Variants in NAALADL2 observed in about 807,000 individuals in gnomAD.
NAALADL2 encodes the protein N-acetylated alpha-linked acidic dipeptidase like 2.
In NAALADL2, 76 loss-of-function variants were observed where a neutral mutation model predicts 87.2. The ratio of observed to expected loss-of-function variants is 0.87; its 90% confidence interval spans 0.72 to 1.05. The LOEUF is 1.05. Ranked by LOEUF, NAALADL2 falls within the 50% of genes least tolerant of loss-of-function variation. The probability of loss-of-function intolerance (pLI) is 0.00; values close to 1 mark genes in which losing one functional copy is unlikely to be tolerated. For synonymous variants in NAALADL2, 354 were observed against 331.0 expected, an observed-to-expected ratio of 1.07 and a Z score of -0.75; for missense variants, 1,089 against 945.8, an observed-to-expected ratio of 1.15 and a Z score of -1.99.
intron 3 of NAALADL2, among the ~76,000 whole-genome samples, chr3:174,811,869 G>T (rs1174602975): frequency 6.6e-6 from 1 of 152,042 alleles, no homozygotes; most frequent in East Asian, 1.9e-4. Context: ...CATGGGGGGT[G>T]GATCCTTTAT....
intron 10 of NAALADL2, among the ~76,000 whole-genome samples, chr3:175,617,594 C>G (rs1428974558): frequency 6.6e-6 from 1 of 152,184 alleles, no homozygotes; most frequent in African/African-American, 2.4e-5. Flanking sequence ...CTTTTTCTTG[C>G]ATCTATTTTC....
rs184556580 is a variant in NAALADL2 at position 174,749,912 on chromosome 3, C to G, written c.-9+12166C>G. Among the ~76,000 whole-genome samples the G allele has an allele frequency of 3.8e-3, 584 of 152,278 alleles. 4 individuals carry two copies. The highest frequency in any genetic ancestry group is 0.013 in the African/African-American group (544 of 41,562). Reference sequence around the variant, plus strand: ...TGTTAATGTCTCTTTCTCTAAACCCCTTTTCCAGAAATTATGAAGTGCTAT... The same window carrying G: ...TGTTAATGTCTCTTTCTCTAAACCCGTTTTCCAGAAATTATGAAGTGCTAT... On this transcript the variant is annotated intron_variant, in intron 3 of 3. Coordinates refer to the NAALADL2 transcript ENST00000434257.
intron 1 of NAALADL2, among the ~76,000 whole-genome samples, chr3:174,455,656 T>G (rs1046680153): frequency 6.6e-6 from 1 of 152,148 alleles, no homozygotes; most frequent in African/African-American, 2.4e-5. Flanking sequence ...AAAAGGCTTT[T>G]GATAAAATTC....
chr3:175,564,600 T>C (rs1385933457), intron 9 of NAALADL2, among the ~76,000 whole-genome samples: 1 of 152,196 alleles, frequency 6.6e-6, no homozygotes, highest in Non-Finnish European at 1.5e-5. Flanking sequence ...ATAGCTGAAG[T>C]TATGTTATGT....
intron 4 of NAALADL2, among the ~76,000 whole-genome samples, chr3:175,263,012 A>C (rs982270775): frequency 7.3e-5 from 11 of 151,460 alleles, no homozygotes; most frequent in South Asian, 2.1e-4. Flanking sequence ...AAAAAAAAAA[A>C]ACAAAAAACA....
intron 1 of NAALADL2, among the ~76,000 whole-genome samples, chr3:174,543,427 A>T (rs750117502): frequency 6.6e-6 from 1 of 152,178 alleles, no homozygotes; most frequent in Admixed American, 6.5e-5. Flanking sequence ...CATTCCAGAG[A>T]CAGTAATTAG....
upstream of NAALADL2, among the ~76,000 whole-genome samples, chr3:174,856,812 C>T (rs1725907263): frequency 7.6e-6 from 1 of 131,652 alleles, no homozygotes; most frequent in Non-Finnish European, 1.6e-5. Flanking sequence ...GAAATCTGTG[C>T]TAGTTTAAGC....
intron 3 of NAALADL2, among the ~76,000 whole-genome samples, chr3:174,851,038 G>T (rs1166081585): frequency 1.3e-5 from 2 of 151,982 alleles, no homozygotes; most frequent in Non-Finnish European, 2.9e-5. Flanking sequence ...AAGTTAAGAA[G>T]GAAGTTTTTT....
chr3:175,170,334 T>C (rs1410947403), intron 2 of NAALADL2, among the ~76,000 whole-genome samples: 4 of 150,706 alleles, frequency 2.7e-5, no homozygotes, highest in Non-Finnish European at 3.0e-5. Context: ...TGTATAGACA[T>C]ATATGAATTT....
At chr3:175,590,746 C>T (rs989347937) in intron 10 of NAALADL2, among the ~76,000 whole-genome samples, 7 of 152,014 alleles carry the variant, frequency 4.6e-5, no homozygotes, top group African/African-American at 1.7e-4. Context: ...TATATAGAAC[C>T]CCTTCAACAA....
At chr3:174,572,303 T>C (rs1369506575) in intron 2 of NAALADL2, among the ~76,000 whole-genome samples, 1 of 152,098 alleles carries the variant, frequency 6.6e-6, no homozygotes, top group Non-Finnish European at 1.5e-5. Flanking sequence ...ATATTGTAGT[T>C]GCTATGGAGG....
At position 175,138,918 on chromosome 3, in the gene NAALADL2, A is replaced by ATATATG. The variant is rs1553787383; in HGVS notation, c.545+41632_545+41633insGTATAT. Among the ~76,000 whole-genome samples the ATATATG allele has an allele frequency of 2.5e-3, 338 of 136,362 alleles. 1 individual carries two copies. Among genetic ancestry groups the ATATATG allele is most frequent in the South Asian group, 6.1e-3 (26 of 4,262 alleles). 89.5% of individuals were successfully genotyped at this position (136,362 alleles called of 152,430 possible). ...TATATATATATATATATATATATAT[A>ATATATG]TATATATGATAGTGAAGGTTTTATT... On this transcript the variant is annotated intron_variant, in intron 2 of 13. Coordinates refer to ENST00000454872, the MANE Select transcript of NAALADL2 (RefSeq NM_207015.3).
intron 2 of NAALADL2, among the ~76,000 whole-genome samples, chr3:174,716,788 G>A (rs549013371): frequency 2.5e-4 from 38 of 151,998 alleles, no homozygotes; most frequent in Admixed American, 1.2e-3. Context: ...AGATTCTAAT[G>A]TACAGTTCGG....
intron 5 of NAALADL2, among the ~76,000 whole-genome samples, chr3:175,358,422 T>C (rs1764619047): frequency 1.3e-5 from 2 of 152,114 alleles, no homozygotes; most frequent in South Asian, 4.1e-4. Context: ...TCTATTTTTT[T>C]ATTTTATTGT....
chr3:175,660,370 C>T (rs993075065), intron 11 of NAALADL2, among the ~76,000 whole-genome samples: 8 of 152,036 alleles, frequency 5.3e-5, no homozygotes, highest in East Asian at 1.9e-4. Flanking sequence ...ATGTCAGACC[C>T]TTTTTTCGTT....
At chr3:175,388,137 G>A (rs1768629174) in intron 5 of NAALADL2, among the ~76,000 whole-genome samples, 1 of 152,072 alleles carries the variant, frequency 6.6e-6, no homozygotes, top group South Asian at 2.1e-4. Flanking sequence ...AAGAATCAGT[G>A]CAATATCTGA....
rs192087935 is a variant in NAALADL2 at position 175,001,362 on chromosome 3, T to A, written c.44-95428T>A. Among the ~76,000 whole-genome samples the A allele has an allele frequency of 1.9e-4, 29 of 152,234 alleles. No individual in the cohort carries two copies. In the East Asian group the frequency reaches 5.2e-3, roughly 27 times the overall value. On this transcript the variant is annotated intron_variant, in intron 1 of 13. Transcript: ENST00000454872. ...GCCCCATCTTGGGGCTCACTCCAGA[T>A]CTCATGAATCAGAATCTACATTTTA... is the stretch of plus-strand genomic sequence containing the variant.
At chr3:174,885,681 C>A (rs1285379744) in intron 1 of NAALADL2, among the ~76,000 whole-genome samples, 1 of 151,990 alleles carries the variant, frequency 6.6e-6, no homozygotes, top group African/African-American at 2.4e-5. Flanking sequence ...GAACTCCATC[C>A]TTAATATTCT....
chr3:175,071,792 A>G (rs776888396), intron 1 of NAALADL2, among the ~76,000 whole-genome samples: 4 of 152,024 alleles, frequency 2.6e-5, no homozygotes, highest in Non-Finnish European at 5.9e-5. Flanking sequence ...TATTAAAAAA[A>G]TTGTAGCAAA....
Sources: allele counts gnomAD v4.1 joint callset (sites outside exome capture counted in the v4.1 genomes callset), GRCh38; gene constraint gnomAD v4.1.1; transcripts MANE v1.5; gene names NCBI Gene and HGNC (gene_info 2026-07-23, HGNC 2026-07-21).